Variants in NKAIN3 observed in about 807,000 individuals in gnomAD.
NKAIN3 encodes the protein sodium/potassium-transporting ATPase subunit beta-1-interacting protein 3.
NKAIN3 carries 25 observed loss-of-function variants against 30.2 expected under a neutral mutation model. The ratio of observed to expected loss-of-function variants is 0.83; its 90% CI spans 0.60 to 1.16. The LOEUF (loss-of-function observed/expected upper bound fraction) is 1.16. Ranked by LOEUF, NKAIN3 falls within the 50% of genes most tolerant of loss-of-function variation. The pLI is 0.00. For synonymous variants in NKAIN3, 91 were observed against 89.6 expected (o/e 1.02, Z -0.09); for missense variants, 225 against 254.1 (o/e 0.89, Z 0.78).
chr8:62,398,673 G>A (rs759518334), intron 1 of NKAIN3, among the ~76,000 whole-genome samples: 2 of 152,218 alleles, frequency 1.3e-5, no homozygotes, highest in African/African-American at 2.4e-5. Context: ...ATAAACTGTA[G>A]CGTGTTCACT....
chr8:62,889,635 T>C (rs1206645018), intron 4 of NKAIN3, among the ~76,000 whole-genome samples: 1 of 152,202 alleles, frequency 6.6e-6, no homozygotes, highest in Non-Finnish European at 1.5e-5. Flanking sequence ...AGAAATATTT[T>C]TTCTGGTTCT....
intron 4 of NKAIN3, among the ~76,000 whole-genome samples, chr8:62,792,099 C>T (rs1817716140): frequency 6.6e-6 from 1 of 152,048 alleles, no homozygotes; most frequent in African/African-American, 2.4e-5. Context: ...ACCTCTTATC[C>T]TCAACCCTAC....
In NKAIN3 at chr8:62,527,544, C is replaced by T. The variant is rs115022320; in HGVS notation, c.55-51995C>T. Among the ~76,000 whole-genome samples the T allele has an allele frequency of 7.9e-3, 1,194 of 152,046 alleles. 16 individuals are homozygous for T. The highest frequency in any genetic ancestry group is 0.027 in the African/African-American group (1,139 of 41,466). ...TTCAAAAGTTTAAGGGCACACATTC[C>T]GATATAATTAGCAGAGAATTTACTA... On this transcript the variant is annotated intron_variant, in intron 1 of 6. Coordinates refer to ENST00000623646, the MANE Select transcript of NKAIN3 (RefSeq NM_001304533.3).
intron 1 of NKAIN3, among the ~76,000 whole-genome samples, chr8:62,267,345 T>G (rs1477388972): frequency 1.3e-5 from 2 of 152,244 alleles, no homozygotes; most frequent in Non-Finnish European, 2.9e-5. Flanking sequence ...GTTTCCTTTT[T>G]AATAGATTAC....
chr8:62,696,859 CTGAT>C (rs1274749906), intron 3 of NKAIN3, among the ~76,000 whole-genome samples: 1 of 152,062 alleles, frequency 6.6e-6, no homozygotes, highest in African/African-American at 2.4e-5. Flanking sequence ...GGGATACTAT[CTGAT>C]TGAAGCAAGG....
intron 4 of NKAIN3, among the ~76,000 whole-genome samples, chr8:62,906,940 A>G (rs1183141834): frequency 6.6e-6 from 1 of 152,182 alleles, no homozygotes; most frequent in African/African-American, 2.4e-5. Flanking sequence ...CTTTGAAACT[A>G]GGTAACAGGC....
intron 1 of NKAIN3, among the ~76,000 whole-genome samples, chr8:62,506,476 C>CTTTTTT (rs71255341): frequency 1.5e-4 from 15 of 98,438 alleles, no homozygotes; most frequent in African/African-American, 4.5e-4. Flanking sequence ...TTCTTTCTTT[C>CTTTTTT]TTTTTTTTTT....
At chr8:62,814,766 A>G (rs1818621469) in intron 4 of NKAIN3, among the ~76,000 whole-genome samples, 3 of 152,226 alleles carry the variant, frequency 2.0e-5, no homozygotes, top group African/African-American at 4.8e-5. Context: ...CTAAATGCCC[A>G]CAAGAGAAAG....
downstream of NKAIN3, among the ~76,000 whole-genome samples, chr8:62,986,383 A>T (rs1170527415): frequency 6.6e-6 from 1 of 152,178 alleles, no homozygotes; most frequent in Non-Finnish European, 1.5e-5. Context: ...CATGCTTTTT[A>T]CAAGTGGTTG....
In NKAIN3 at chr8:62,974,594, A is replaced by G. The variant is rs1024556951; in HGVS notation, c.*9187A>G. ...AATGGGGTTTTCTAAATGTACAACC[A>G]TATCATCTGCAAACAGAGATAATTT... is the stretch of plus-strand genomic sequence containing the variant. On this transcript the variant is annotated 3_prime_UTR_variant, in exon 7 of 7. Coordinates refer to ENST00000623646, the MANE Select transcript of NKAIN3 (RefSeq NM_001304533.3). 3.3e-5 allele frequency among the ~76,000 whole-genome samples: 5 copies of G among 152,342 alleles called. No individual in the cohort carries two copies. The highest frequency in any genetic ancestry group is 2.1e-4 in the South Asian group (1 of 4,824).
At chr8:62,743,121 C>T (rs182301841) in intron 3 of NKAIN3, among the ~76,000 whole-genome samples, 1 of 152,286 alleles carries the variant, frequency 6.6e-6, no homozygotes, top group East Asian at 1.9e-4. Flanking sequence ...GTGGGGGACA[C>T]AGCCAAATTA....
At chr8:62,856,069 T>C in intron 4 of NKAIN3, 1 of 701,128 alleles carries the variant, frequency 1.4e-6, no homozygotes, top group Non-Finnish European at 2.6e-6. Flanking sequence ...TTACACCCCA[T>C]GAGCATCAAA....
intron 4 of NKAIN3, among the ~76,000 whole-genome samples, chr8:62,828,316 G>A (rs1819088033): frequency 6.6e-6 from 1 of 151,450 alleles, no homozygotes; most frequent in South Asian, 2.1e-4. Context: ...AAACTGTCTT[G>A]AGCCTAGTTG....
At chr8:62,625,674 A>G (rs1048870705) in intron 3 of NKAIN3, among the ~76,000 whole-genome samples, 1 of 152,150 alleles carries the variant, frequency 6.6e-6, no homozygotes, top group Non-Finnish European at 1.5e-5. Flanking sequence ...CACTACAGGT[A>G]ATACTTCAAT....
At chr8:62,592,735 T>A (rs1810691865) in intron 3 of NKAIN3, among the ~76,000 whole-genome samples, 1 of 151,904 alleles carries the variant, frequency 6.6e-6, no homozygotes, top group Non-Finnish European at 1.5e-5. Context: ...TACATACATA[T>A]ATTTAAATTA....
At chr8:62,646,228 C>T (rs1456348294) in intron 3 of NKAIN3, among the ~76,000 whole-genome samples, 1 of 151,006 alleles carries the variant, frequency 6.6e-6, no homozygotes, top group Admixed American at 6.6e-5. Context: ...ATCCTCCCAT[C>T]CCCCATACCA....
chr8:62,757,260 A>T (rs1816483476), intron 4 of NKAIN3, among the ~76,000 whole-genome samples: 1 of 152,194 alleles, frequency 6.6e-6, no homozygotes, highest in Non-Finnish European at 1.5e-5. Flanking sequence ...ATTAGATTTT[A>T]AAAAGTAGCT....
At chr8:62,907,148 G>A (rs538217884) in intron 4 of NKAIN3, among the ~76,000 whole-genome samples, 2 of 152,274 alleles carry the variant, frequency 1.3e-5, no homozygotes, top group South Asian at 4.1e-4. Context: ...TGTTTAGCAG[G>A]TGGCATTTTG....
At chr8:62,823,767 AG>A (rs1247499779) in intron 4 of NKAIN3, among the ~76,000 whole-genome samples, 1 of 152,138 alleles carries the variant, frequency 6.6e-6, no homozygotes, top group Non-Finnish European at 1.5e-5. Flanking sequence ...AAGGCTTTCT[AG>A]TTCTCAGAAA....
Sources: allele counts gnomAD v4.1 joint callset (sites outside exome capture counted in the v4.1 genomes callset), GRCh38; gene constraint gnomAD v4.1.1; transcripts MANE v1.5; gene names NCBI Gene and HGNC (gene_info 2026-07-23, HGNC 2026-07-21).